The following CCNH variants were observed in gnomAD, a reference collection of about 807,000 sequenced individuals.
The protein encoded by CCNH is cyclin H.
CCNH carries 31 observed loss-of-function variants against 41.9 expected under a neutral mutation model. That is an observed-to-expected ratio of 0.74 (90% CI 0.56 to 1.00). The LOEUF (loss-of-function observed/expected upper bound fraction) is 1.00, where lower values mean the gene tolerates loss of function less well. Among genes scored for constraint, CCNH ranks in the 50% least tolerant of loss-of-function variants. The pLI, the probability that CCNH is intolerant of heterozygous loss-of-function variation, is 0.00. For synonymous variants in CCNH, 138 were observed against 136.1 expected, an observed-to-expected ratio of 1.01 and a Z score of -0.10; for missense variants, 362 against 388.4, an observed-to-expected ratio of 0.93 and a Z score of 0.57.
chr5:87,370,333 A>G (rs1187152554), intron 9 of CCNH, among the ~76,000 whole-genome samples: 4 of 152,204 alleles, frequency 2.6e-5, no homozygotes, highest in East Asian at 1.9e-4. Context: ...TTAGGAATCT[A>G]TTCTCTAAGC....
intron 9 of CCNH, among the ~76,000 whole-genome samples, chr5:87,323,659 A>C (rs1372683655): frequency 6.6e-6 from 1 of 151,940 alleles, no homozygotes; most frequent in African/African-American, 2.4e-5. Flanking sequence ...TTTGTAAAGT[A>C]TATTGTAAAG....
intron 9 of CCNH, chr5:87,383,797 A>C (rs763554003): frequency 6.3e-7 from 1 of 1,590,126 alleles, no homozygotes; most frequent in South Asian, 1.1e-5. Context: ...AGCTTTTGAT[A>C]CATTTTGAAA....
downstream of CCNH, chr5:87,387,025 C>A (rs1253187286): frequency 4.4e-6 from 4 of 910,254 alleles, no homozygotes; most frequent in Non-Finnish European, 6.7e-6. Context: ...AAAAAGCCTG[C>A]AAATTTTTGT....
At chr5:87,347,725 AAAG>A (rs1758965464) in intron 9 of CCNH, among the ~76,000 whole-genome samples, 1 of 152,004 alleles carries the variant, frequency 6.6e-6, no homozygotes, top group Non-Finnish European at 1.5e-5. Flanking sequence ...ATAAGTTAAA[AAAG>A]ATTATGATAA....
chr5:87,389,963 G>A (rs1433633277), downstream of CCNH, among the ~76,000 whole-genome samples: 2 of 152,150 alleles, frequency 1.3e-5, no homozygotes, highest in African/African-American at 2.4e-5. Flanking sequence ...ACATCCAGAG[G>A]TTCTGAAGTG....
intron 9 of CCNH, chr5:87,349,192 A>T: frequency 6.2e-7 from 1 of 1,610,282 alleles, no homozygotes; most frequent in Middle Eastern, 1.7e-4. Flanking sequence ...TTAGGGAAAA[A>T]CTAACAGCTT....
At position 87,411,321 on chromosome 5, in the gene CCNH, A is replaced by T; in HGVS notation, c.143T>A (p.Leu48His). ...GKVLPNDPVF[L>H]EPHEEMTLCK... ...GAGTGTCATTTCTTCATGAGGCTCA[A>T]GAAAGACTGGATCATTCGGAAGAAC... The change falls in exon 2 of 9, where the codon CTT becomes CAT. Residue 48 changes from leucine (L) to histidine (H), a missense_variant. Transcript: ENST00000256897. The T allele has an allele frequency of 6.2e-7, 1 of 1,612,168 alleles. No individual in the cohort carries two copies. The highest frequency in any genetic ancestry group is 1.1e-5 in the South Asian group (1 of 90,530).
intron 9 of CCNH, among the ~76,000 whole-genome samples, chr5:87,324,766 AGTTGGTCTAAGGGGTACTAC>A (rs1417679728): frequency 1.3e-5 from 2 of 152,118 alleles, no homozygotes; most frequent in African/African-American, 2.4e-5. Flanking sequence ...AGTGATGTGT[AGTTGGTCTAAGGGGTACTAC>A]AGCTGTTTTG....
upstream of CCNH, chr5:87,378,278 C>A: frequency 8.2e-7 from 1 of 1,218,212 alleles, no homozygotes; most frequent in Non-Finnish European, 1.2e-6. Context: ...ACGCTGCACG[C>A]AAAAAGCACA....
chr5:87,384,065 C>A (rs1377182035), intron 9 of CCNH, among the ~76,000 whole-genome samples: 2 of 151,952 alleles, frequency 1.3e-5, no homozygotes, highest in African/African-American at 4.8e-5. Context: ...TAATAAGTGA[C>A]TTCTTGTAGT....
chr5:87,405,448 T>G (rs1472517589), intron 4 of CCNH, among the ~76,000 whole-genome samples: 1 of 152,092 alleles, frequency 6.6e-6, no homozygotes, highest in Non-Finnish European at 1.5e-5. Flanking sequence ...AGTTTTAGAG[T>G]ATGCCCAAGA....
chr5:87,376,582 C>G lies in CCNH; in HGVS notation n.599G>C. On this transcript the variant is annotated non_coding_transcript_exon_variant, in exon 1 of 1. Transcript: ENST00000607486. Reference sequence around the variant, plus strand: ...TTTAAAGAGGTATTAAATTATTTATCAGTCTTGTTTTTGTTGGAATTAACA... The same window carrying G: ...TTTAAAGAGGTATTAAATTATTTATGAGTCTTGTTTTTGTTGGAATTAACA... 6.2e-7 allele frequency: 1 copy of G among 1,607,514 alleles called. No homozygotes were observed. The highest frequency in any genetic ancestry group is 8.5e-7 in the Non-Finnish European group (1 of 1,174,212).
chr5:87,319,146 C>T (rs1756578320), intron 9 of CCNH, among the ~76,000 whole-genome samples: 1 of 152,250 alleles, frequency 6.6e-6, no homozygotes, highest in African/African-American at 2.4e-5. Context: ...TGCCCCATGG[C>T]TCTGCAGGAT....
At position 87,362,746 on chromosome 5, in the gene CCNH, T is replaced by C. The variant is rs185730411; in HGVS notation, c.*90+30024A>G. On this transcript the variant is annotated intron_variant and NMD_transcript_variant, in intron 9 of 9. Transcript: ENST00000645953. ...ATGGAGCTCCGAACTTATTGTGATA[T>C]ATATTTAATAAGTTTTGACATGAGT... 5.3e-4 allele frequency: 791 copies of C among 1,494,336 alleles called. 2 individuals are homozygous for C. In the African/African-American group the frequency reaches 9.7e-3, roughly 18 times the overall value. 92.6% of individuals were successfully genotyped at this position (1,494,336 alleles called of 1,614,324 possible). A position where few individuals can be genotyped will look rare whatever the true frequency, so the allele number is the denominator to read the frequency against.
At chr5:87,361,129 T>G (rs1760058274) in intron 9 of CCNH, among the ~76,000 whole-genome samples, 1 of 152,200 alleles carries the variant, frequency 6.6e-6, no homozygotes, top group Non-Finnish European at 1.5e-5. Flanking sequence ...GGTTTTGCAG[T>G]TCATTTAGTG....
At chr5:87,372,235 T>C, downstream of CCNH, 1 of 1,560,746 alleles carries the variant, frequency 6.4e-7, no homozygotes, top group Non-Finnish European at 8.8e-7. Context: ...TGTCACATTT[T>C]GCTCTAACAC....
intron 5 of CCNH, among the ~76,000 whole-genome samples, chr5:87,402,374 C>T (rs894578267): frequency 1.3e-5 from 2 of 152,140 alleles, no homozygotes; most frequent in Admixed American, 1.3e-4. Context: ...ACCCAAATTA[C>T]CTGTTTTTCT....
chr5:87,385,451 A>G (rs765850630), intron 9 of CCNH: 8 of 1,264,452 alleles, frequency 6.3e-6, no homozygotes, highest in Admixed American at 1.8e-5. Flanking sequence ...TGATAAAACC[A>G]TAAATTGTGG....
chr5:87,372,359 GTTCT>G (rs1002149236), downstream of CCNH, among the ~76,000 whole-genome samples: 14 of 152,090 alleles, frequency 9.2e-5, no homozygotes, highest in African/African-American at 2.7e-4. Flanking sequence ...GAAAGAGAAT[GTTCT>G]TTCTTAGTCC....
Sources: gnomAD v4.1 joint callset for allele counts (sites outside exome capture counted in the v4.1 genomes callset) on GRCh38, gnomAD v4.1.1 for gene constraint, MANE v1.5 for transcripts, NCBI Gene and HGNC (gene_info 2026-07-23, HGNC 2026-07-21) for gene names.